The following MS4A4A variants were observed in gnomAD, a reference collection of about 807,000 sequenced individuals.
The protein encoded by MS4A4A is membrane spanning 4-domains A4A.
MS4A4A carries 26 observed loss-of-function variants against 28.0 expected under a neutral mutation model. The observed-to-expected ratio is 0.93, with a 90% CI of 0.68 to 1.29. The LOEUF (loss-of-function observed/expected upper bound fraction) is 1.29, where lower values mean the gene tolerates loss of function less well. Among genes scored for constraint, MS4A4A ranks in the 50% most tolerant of loss-of-function variants. The pLI is 0.00. For synonymous variants in MS4A4A, 86 were observed against 100.8 expected, an observed-to-expected ratio of 0.85 and a Z score of 0.88; for missense variants, 290 against 293.1, an observed-to-expected ratio of 0.99 and a Z score of 0.08.
intron 2 of MS4A4A, among the ~76,000 whole-genome samples, chr11:60,295,868 T>C (rs1276880830): frequency 1.3e-5 from 2 of 152,182 alleles, no homozygotes; most frequent in African/African-American, 4.8e-5. Flanking sequence ...ATTTTTTTGA[T>C]GCATTGTTAG....
At chr11:60,287,475 G>T (rs1947360) in intron 1 of MS4A4A, among the ~76,000 whole-genome samples, 1 of 152,018 alleles carries the variant, frequency 6.6e-6, no homozygotes, top group South Asian at 2.1e-4. Context: ...ACCTCTTGAA[G>T]GTCCCACCTC....
chr11:60,287,250 A>T (rs2084810739), intron 1 of MS4A4A, among the ~76,000 whole-genome samples: 2 of 152,234 alleles, frequency 1.3e-5, no homozygotes, highest in South Asian at 4.1e-4. Context: ...TATTTTGCTT[A>T]TAGCTCTAGA....
intron 5 of MS4A4A, among the ~76,000 whole-genome samples, chr11:60,303,280 T>G (rs1157648087): frequency 6.6e-6 from 1 of 152,226 alleles, no homozygotes; most frequent in African/African-American, 2.4e-5. Context: ...ATTGCTTTAT[T>G]CTGAAAATGC....
At chr11:60,291,742 G>A (rs2084857730) in intron 1 of MS4A4A, among the ~76,000 whole-genome samples, 3 of 150,502 alleles carry the variant, frequency 2.0e-5, no homozygotes, top group Admixed American at 1.3e-4. Context: ...AGGTTGCAGT[G>A]TGCCGAGATC....
At chr11:60,289,140 G>T (rs1269339114) in intron 1 of MS4A4A, among the ~76,000 whole-genome samples, 1 of 152,150 alleles carries the variant, frequency 6.6e-6, no homozygotes, top group Non-Finnish European at 1.5e-5. Flanking sequence ...GAAGCAGAAT[G>T]CACTGTAGCA....
Position 60,308,182 on chromosome 11 carries a change from C to T in MS4A4A, c.*4C>T, listed in dbSNP as rs773593213. The T allele has an allele frequency of 5.0e-6, 8 of 1,612,750 alleles. No individual in the cohort carries two copies. The South Asian group carries it at 8.8e-5, about 18-fold the overall frequency. On this transcript the variant is annotated 3_prime_UTR_variant, in exon 7 of 7. Transcript: ENST00000337908. ...CACACCACTTAATGAGGTTTGAGGC[C>T]ACCAAAAGATCAACAGACAAATGCT... is the stretch of plus-strand genomic sequence containing the variant.
At chr11:60,295,373 T>C (rs1208584277) in intron 2 of MS4A4A, among the ~76,000 whole-genome samples, 1 of 152,114 alleles carries the variant, frequency 6.6e-6, no homozygotes, top group Admixed American at 6.5e-5. Flanking sequence ...AATTGTTTGT[T>C]AGTTCCAGGA....
At chr11:60,294,407 G>A (rs932914753) in intron 2 of MS4A4A, among the ~76,000 whole-genome samples, 4 of 152,076 alleles carry the variant, frequency 2.6e-5, no homozygotes, top group African/African-American at 9.7e-5. Flanking sequence ...TCTGTTGTTT[G>A]TCTTTTCATC....
chr11:60,302,840 G>C, intron 5 of MS4A4A, 123 bp downstream of exon 5: 1 of 909,778 alleles, frequency 1.1e-6, no homozygotes, highest in Non-Finnish European at 1.7e-6. Flanking sequence ...TGGAGTGATT[G>C]AGAAATAGAA....
At chr11:60,302,528 G>C in intron 4 of MS4A4A, 31 bp from the exon 5 acceptor site, 6 of 1,609,240 alleles carry the variant, frequency 3.7e-6, no homozygotes, top group Non-Finnish European at 4.2e-6. Context: ...GATGTTGTTG[G>C]ATTGTTTAAT....
At chr11:60,288,042 C>A (rs559616831) in intron 1 of MS4A4A, among the ~76,000 whole-genome samples, 1 of 152,268 alleles carries the variant, frequency 6.6e-6, no homozygotes, top group South Asian at 2.1e-4. Flanking sequence ...ATGCTAGTGG[C>A]CCTATAGTTC....
chr11:60,305,502 G>A (rs11230240), intron 5 of MS4A4A, among the ~76,000 whole-genome samples: 44,425 of 152,122 alleles, frequency 0.29, 7,501 homozygotes, highest in Admixed American at 0.35. Context: ...AAGCGATGTA[G>A]CATCTTCAAA....
intron 1 of MS4A4A, among the ~76,000 whole-genome samples, chr11:60,288,583 A>G (rs1216515866): frequency 6.6e-6 from 1 of 152,022 alleles, no homozygotes; most frequent in Non-Finnish European, 1.5e-5. Flanking sequence ...TTACAGTTGA[A>G]ATTTTGGTTC....
intron 1 of MS4A4A, among the ~76,000 whole-genome samples, chr11:60,287,086 T>A (rs898440478): frequency 1.3e-5 from 2 of 152,224 alleles, no homozygotes; most frequent in African/African-American, 4.8e-5. Context: ...CCACGTAGTT[T>A]TATAAATTGA....
rs775724477 is a variant in MS4A4A at position 60,297,226 on chromosome 11, C to A, written c.231C>A (p.Ser77Arg). The A allele has an allele frequency of 3.8e-5, 62 of 1,613,300 alleles. No individual in the cohort carries two copies. Among genetic ancestry groups the A allele is most frequent in the Non-Finnish European group, 4.7e-5 (56 of 1,179,608 alleles). ...GVVQILTALM[S>R]LSMGITMMCM... Reference sequence around the variant, plus strand: ...TGCAGATTCTGACTGCCCTGATGAGCCTTAGCATGGGAATAACAATGATGT... The same window carrying A: ...TGCAGATTCTGACTGCCCTGATGAGACTTAGCATGGGAATAACAATGATGT... The change falls in exon 3 of 7, where the codon AGC becomes AGA. Residue 77 changes from serine to arginine, a missense_variant. By Grantham distance (110) the Ser-to-Arg change is moderately radical. Coordinates refer to ENST00000337908, the MANE Select transcript of MS4A4A (RefSeq NM_148975.3).
At chr11:60,297,502 T>A (rs2084916694) in intron 3 of MS4A4A, among the ~76,000 whole-genome samples, 177 bp downstream of exon 3, 1 of 152,190 alleles carries the variant, frequency 6.6e-6, no homozygotes, top group Admixed American at 6.5e-5. Flanking sequence ...TAGTATTATA[T>A]TAAATCTAGG....
At chr11:60,280,745 T>C (rs751573106) in intron 1 of MS4A4A, 29 bp downstream of exon 1, 11 of 1,612,536 alleles carry the variant, frequency 6.8e-6, no homozygotes, top group Non-Finnish European at 9.3e-6. Flanking sequence ...CTTCCTAGGC[T>C]TTCGGGCTGA....
chr11:60,296,350 C>T (rs528229352), intron 2 of MS4A4A, among the ~76,000 whole-genome samples: 76 of 152,016 alleles, frequency 5.0e-4, no homozygotes, highest in African/African-American at 1.8e-3. Flanking sequence ...TTTTTGTCCT[C>T]TCTCTTTTTC....
intron 2 of MS4A4A, among the ~76,000 whole-genome samples, chr11:60,295,981 T>C (rs767282977): frequency 4.6e-5 from 7 of 152,068 alleles, no homozygotes; most frequent in Non-Finnish European, 8.8e-5. Flanking sequence ...TGATTTTTGG[T>C]AGATGGTAGT....
Sources: allele counts gnomAD v4.1 joint callset (sites outside exome capture counted in the v4.1 genomes callset), GRCh38; gene constraint gnomAD v4.1.1; transcripts MANE v1.5; gene names NCBI Gene and HGNC (gene_info 2026-07-23, HGNC 2026-07-21).